The following CBLB variants were observed in gnomAD, a reference collection of about 807,000 sequenced individuals.
The protein encoded by CBLB is Cbl proto-oncogene B.
Under a neutral mutation model 104.9 loss-of-function variants are expected in CBLB, and 31 were observed. The observed-to-expected ratio is 0.30, with a 90% confidence interval of 0.22 to 0.40. The LOEUF (loss-of-function observed/expected upper bound fraction) is 0.40. Ranked by LOEUF, CBLB falls within the 10% of genes least tolerant of loss-of-function variation. The probability of loss-of-function intolerance (pLI) is 1.00; values close to 1 mark genes in which losing one functional copy is unlikely to be tolerated. For synonymous variants in CBLB, 440 were observed against 422.6 expected (o/e 1.04, Z -0.51); for missense variants, 1,062 against 1,214.6 (o/e 0.87, Z 1.87).
intron 4 of CBLB, among the ~76,000 whole-genome samples, chr3:105,762,837 A>T (rs958165072): frequency 2.0e-5 from 3 of 152,118 alleles, no homozygotes; most frequent in African/African-American, 7.2e-5. Context: ...CGTCCTCCAG[A>T]CCCCAGAATA....
intron 3 of CBLB, among the ~76,000 whole-genome samples, chr3:105,833,865 TA>T (rs2087958891): frequency 6.6e-6 from 1 of 151,970 alleles, no homozygotes; most frequent in Non-Finnish European, 1.5e-5. Context: ...ACCAGTATCC[TA>T]AGGGAATTAG....
At chr3:105,856,742 G>GT (rs2091658372) in intron 2 of CBLB, among the ~76,000 whole-genome samples, 1 of 152,156 alleles carries the variant, frequency 6.6e-6, no homozygotes, top group Non-Finnish European at 1.5e-5. Context: ...CCTTGGAAAG[G>GT]TAAGATGTCA....
chr3:105,767,351 T>C (rs1323822123), intron 4 of CBLB, among the ~76,000 whole-genome samples: 1 of 152,040 alleles, frequency 6.6e-6, no homozygotes, highest in Non-Finnish European at 1.5e-5. Flanking sequence ...AAGAAAGTAT[T>C]TTCCTTTCTT....
intron 3 of CBLB, among the ~76,000 whole-genome samples, chr3:105,809,954 G>A (rs1012028037): frequency 2.0e-5 from 3 of 152,114 alleles, no homozygotes; most frequent in Admixed American, 2.0e-4. Flanking sequence ...CAAAATATAA[G>A]CTAGCATAGC....
chr3:105,701,743 G>T (rs544738356), intron 12 of CBLB, among the ~76,000 whole-genome samples: 1 of 146,404 alleles, frequency 6.8e-6, no homozygotes, highest in Non-Finnish European at 1.5e-5. Context: ...AGCCTGGGGG[G>T]CAAGAGCGAG....
intron 3 of CBLB, among the ~76,000 whole-genome samples, chr3:105,787,667 G>GTAAA (rs2081181661): frequency 6.6e-6 from 1 of 152,210 alleles, no homozygotes; most frequent in Non-Finnish European, 1.5e-5. Flanking sequence ...ATATGCCTCA[G>GTAAA]TCTTAGACTG....
intron 18 of CBLB, among the ~76,000 whole-genome samples, chr3:105,662,922 C>A (rs768559321): frequency 2.0e-5 from 3 of 151,900 alleles, no homozygotes; most frequent in Non-Finnish European, 4.4e-5. Context: ...AATACTGTTA[C>A]CACTTGAGAC....
intron 18 of CBLB, among the ~76,000 whole-genome samples, chr3:105,667,882 C>T (rs1230881533): frequency 6.6e-6 from 1 of 152,100 alleles, no homozygotes; most frequent in Admixed American, 6.6e-5. Context: ...TTAATAAAAA[C>T]AGATTAATTA....
intron 3 of CBLB, among the ~76,000 whole-genome samples, chr3:105,838,667 C>CTT (rs58426302): frequency 3.6e-5 from 5 of 137,346 alleles, no homozygotes; most frequent in East Asian, 2.2e-4. Flanking sequence ...ATGTATCCTT[C>CTT]TTTTTTTTTT....
chr3:105,755,021 T>C (rs1221770330), intron 4 of CBLB, among the ~76,000 whole-genome samples: 7 of 30,792 alleles, frequency 2.3e-4, no homozygotes, highest in South Asian at 1.4e-3. Flanking sequence ...CTTTTCTTTT[T>C]TTTTTTTTTT....
At chr3:105,747,274 T>G (rs915697432) in intron 5 of CBLB, among the ~76,000 whole-genome samples, 1 of 152,104 alleles carries the variant, frequency 6.6e-6, no homozygotes, top group African/African-American at 2.4e-5. Flanking sequence ...AAAAAAAAAG[T>G]ATTTTTACGT....
At position 105,742,574 on chromosome 3, in the gene CBLB, C is replaced by A. The variant is rs115676902; in HGVS notation, c.846-1943G>T. ...TCAGATAAAATAATGCCACAGAGAC[C>A]TACGGCTATGATATTATGAGAAGTG... is the stretch of plus-strand genomic sequence containing the variant. On this transcript the variant is annotated intron_variant, in intron 6 of 18. Coordinates refer to ENST00000394030, the MANE Select transcript of CBLB (RefSeq NM_170662.5). Among the ~76,000 whole-genome samples the A allele has an allele frequency of 1.4e-3, 208 of 151,946 alleles. 2 individuals carry two copies. Among genetic ancestry groups the A allele is most frequent in the African/African-American group, 4.8e-3 (198 of 41,444 alleles).
At chr3:105,785,741 A>G (rs2080909915) in intron 3 of CBLB, among the ~76,000 whole-genome samples, 1 of 152,104 alleles carries the variant, frequency 6.6e-6, no homozygotes, top group Non-Finnish European at 1.5e-5. Context: ...CAATACTAAC[A>G]GAGAAAACTA....
intron 4 of CBLB, among the ~76,000 whole-genome samples, chr3:105,769,655 T>C (rs1376371262): frequency 2.0e-5 from 3 of 152,112 alleles, no homozygotes; most frequent in Non-Finnish European, 4.4e-5. Flanking sequence ...GAGACACACA[T>C]TGGGAAATAT....
intron 13 of CBLB, among the ~76,000 whole-genome samples, chr3:105,687,154 C>A (rs557887295): frequency 1.3e-5 from 2 of 152,092 alleles, no homozygotes; most frequent in Non-Finnish European, 2.9e-5. Flanking sequence ...AAGATACTTT[C>A]ATTTATAATG....
At chr3:105,720,272 GGATT>G in intron 9 of CBLB, 22 bp from the exon 10 acceptor site, 1 of 1,589,308 alleles carries the variant, frequency 6.3e-7, no homozygotes, top group Non-Finnish European at 8.6e-7. Flanking sequence ...GAAAATGCAT[GGATT>G]GGTTTTGTTC....
chr3:105,681,734 T>C lies in CBLB; in HGVS notation c.2286A>G (p.Ile762Met). ...ATATTCTATACGTACCCTTTAAATATATGCTTAAGTCAGGGATGTTTGATT... is the reference window on the plus strand; with the variant it reads ...ATATTCTATACGTACCCTTTAAATACATGCTTAAGTCAGGGATGTTTGATT... ...EKKSNIPDLS[I>M]YLKGDVFDSA... The change falls in exon 15 of 19, where the codon ATA becomes ATG. Residue 762 changes from isoleucine to methionine, a missense_variant. Physicochemically the swap from Ile to Met is conservative, Grantham distance 10 (BLOSUM62 1). This residue lies in a region of CBLB where 605 missense variants were observed against 582.6 expected (regional missense o/e 1.04). Transcript: ENST00000394030. 1.2e-6 allele frequency: 2 copies of C among 1,605,982 alleles called. No individual in the cohort carries two copies. Among genetic ancestry groups the C allele is most frequent in the Non-Finnish European group, 1.7e-6 (2 of 1,172,598 alleles).
intron 9 of CBLB, among the ~76,000 whole-genome samples, chr3:105,733,269 A>G (rs1415123543): frequency 6.6e-6 from 1 of 151,784 alleles, no homozygotes; most frequent in Non-Finnish European, 1.5e-5. Flanking sequence ...AGGCAGGAGA[A>G]TGGCGTGAAC....
rs1243650392 is a variant in CBLB at position 105,776,410 on chromosome 3, C to T, written c.552G>A (p.Lys184=). ...TKADAAEFWR[K]FFGDKTIVPW... is the part of the protein sequence containing the mutation. Reference sequence around the variant, plus strand: ...TTTTTACTTACTTGTCTCCAAAAAACTTTCTCCAGAATTCAGCAGCATCTG... The same window carrying T: ...TTTTTACTTACTTGTCTCCAAAAAATTTTCTCCAGAATTCAGCAGCATCTG... Residue 184 remains lysine (K), a synonymous_variant, in exon 4 of 19, where the codon AAG becomes AAA. Coordinates refer to ENST00000394030, the MANE Select transcript of CBLB (RefSeq NM_170662.5). 6.2e-7 allele frequency: 1 copy of T among 1,613,462 alleles called. No homozygotes were observed. The highest frequency in any genetic ancestry group is 8.5e-7 in the Non-Finnish European group (1 of 1,179,852).
Sources: gnomAD v4.1 joint callset for allele counts (sites outside exome capture counted in the v4.1 genomes callset) on GRCh38, gnomAD v4.1.1 for gene constraint, gnomAD v4.1.1 regional missense constraint, MANE v1.5 for transcripts, NCBI Gene and HGNC (gene_info 2026-07-23, HGNC 2026-07-21) for gene names.